FARP2: variants seen among roughly 807,000 people sequenced by gnomAD.
FARP2 encodes the protein FERM, ARHGEF and pleckstrin domain-containing protein 2.
FARP2 carries 111 observed loss-of-function variants against 130.5 expected under a neutral mutation model. The observed-to-expected ratio is 0.85, with a 90% CI of 0.73 to 1.00. The LOEUF (loss-of-function observed/expected upper bound fraction) is 1.00. Ranked by LOEUF, FARP2 falls within the 50% of genes least tolerant of loss-of-function variation. The pLI, the probability that FARP2 is intolerant of heterozygous loss-of-function variation, is 0.00. For missense variants in FARP2, 1,385 were observed against 1,346.3 expected, an observed-to-expected ratio of 1.03 and a Z score of -0.45; for synonymous variants, 504 against 516.9, an observed-to-expected ratio of 0.98 and a Z score of 0.34.
chr2:241,485,637 T>TCTC (rs2064734902), intron 21 of FARP2, among the ~76,000 whole-genome samples: 1 of 133,678 alleles, frequency 7.5e-6, no homozygotes, highest in Non-Finnish European at 1.6e-5. Context: ...CTCCCTGGAG[T>TCTC]CCTCCCTCCC....
intron 13 of FARP2, 53 bp downstream of exon 13, chr2:241,441,609 G>T: frequency 6.2e-7 from 1 of 1,613,050 alleles, no homozygotes; most frequent in East Asian, 2.2e-5. Context: ...GTGCTGGGGG[G>T]CAGAGTTTCA....
At position 241,491,162 on chromosome 2, in the gene FARP2, T is replaced by G; in HGVS notation, c.2606T>G (p.Val869Gly). 6.2e-7 allele frequency: 1 copy of G among 1,612,394 alleles called. No homozygotes were observed. The highest frequency in any genetic ancestry group is 1.7e-4 in the Middle Eastern group (1 of 6,058). The change falls in exon 23 of 27, where the codon GTG becomes GGG. Residue 869 changes from valine (V) to glycine (G), a missense_variant. Transcript: ENST00000264042. ...DTAPALPGRTVCTRPPRSPNE... is the reference protein window; with the variant it reads ...DTAPALPGRTGCTRPPRSPNE... ...GCCCCTGCACTGCCAGGCCGCACTG[T>G]GTGCACTCGTCCCCCCAGTGAGTGC... is the stretch of plus-strand genomic sequence containing the variant.
At chr2:241,454,459 TCTC>T (rs2063779540) in intron 13 of FARP2, among the ~76,000 whole-genome samples, 1 of 152,202 alleles carries the variant, frequency 6.6e-6, no homozygotes, top group Admixed American at 6.5e-5. Context: ...TTTTCCGAAT[TCTC>T]ATCACATAAA....
chr2:241,404,749 A>T (rs2062286418), intron 3 of FARP2, 50 bp from the exon 4 acceptor site: 2 of 1,410,262 alleles, frequency 1.4e-6, no homozygotes, highest in Admixed American at 3.5e-5. Flanking sequence ...TACTTGTTAA[A>T]TAGAGACATT....
chr2:241,425,832 A>T (rs896996646), intron 8 of FARP2, among the ~76,000 whole-genome samples: 25 of 149,658 alleles, frequency 1.7e-4, no homozygotes, highest in Non-Finnish European at 5.9e-5. Context: ...CTCAAACATT[A>T]AAAGGAAATT....
At chr2:241,418,916 GC>G (rs1289543165) in intron 8 of FARP2, among the ~76,000 whole-genome samples, 1 of 152,108 alleles carries the variant, frequency 6.6e-6, no homozygotes, top group African/African-American at 2.4e-5. Flanking sequence ...CCAGTCACTG[GC>G]CCTTGTAAAA....
rs191204815 is a variant in FARP2, at chr2:241,494,147, G to A, written c.*22G>A. On this transcript the variant is annotated 3_prime_UTR_variant, in exon 27 of 27. Coordinates refer to ENST00000264042, the MANE Select transcript of FARP2 (RefSeq NM_014808.4). This position sits in a 1 kb window ranked among gnomAD's most constrained non-coding sequence, Gnocchi z 4.9. ...ATGACGCTCAACCTGCCCAGGTTTG[G>A]ACACAACTACAAAGAACAGCAGGAC... 2.5e-3 allele frequency: 3,427 copies of A among 1,396,536 alleles called. 16 individuals carry two copies. The highest frequency in any genetic ancestry group is 2.4e-3 in the Non-Finnish European group (2,481 of 1,048,108). The allele number at this position is 1,396,536 out of a possible 1,614,324, so 86.5% of individuals were successfully genotyped here.
chr2:241,412,013 CT>C (rs2062531652), intron 6 of FARP2, among the ~76,000 whole-genome samples: 1 of 152,168 alleles, frequency 6.6e-6, no homozygotes, highest in Non-Finnish European at 1.5e-5. Context: ...TGAACCAGAT[CT>C]TTTTGCTATA....
At chr2:241,407,396 AT>A in intron 4 of FARP2, 140 bp from the exon 5 acceptor site, 1 of 651,810 alleles carries the variant, frequency 1.5e-6, no homozygotes. Context: ...CTGGGCAGAA[AT>A]TTCTTAATAT....
chr2:241,432,439 CTT>C (rs763191301), intron 9 of FARP2, among the ~76,000 whole-genome samples: 5 of 152,160 alleles, frequency 3.3e-5, no homozygotes, highest in African/African-American at 4.8e-5. Flanking sequence ...ATTGCAGCCT[CTT>C]TGTTCTCTAG....
chr2:241,407,503 C>T, intron 4 of FARP2, 34 bp from the exon 5 acceptor site: 1 of 1,469,944 alleles, frequency 6.8e-7, no homozygotes, highest in Non-Finnish European at 9.5e-7. Flanking sequence ...CAAAGATCGG[C>T]CTTATTTGTG....
At chr2:241,386,159 C>T (rs1488518983) in intron 2 of FARP2, among the ~76,000 whole-genome samples, 2 of 152,118 alleles carry the variant, frequency 1.3e-5, no homozygotes, top group Non-Finnish European at 2.9e-5. Flanking sequence ...GTAGCATGAT[C>T]ATAGCTCACT....
intron 19 of FARP2, chr2:241,479,012 C>A: frequency 3.9e-6 from 2 of 513,978 alleles, no homozygotes; most frequent in Non-Finnish European, 7.2e-6. Flanking sequence ...GTATTGACAG[C>A]TGAAAAAATG....
At chr2:241,490,577 G>C (rs1469480319) in intron 22 of FARP2, among the ~76,000 whole-genome samples, 4 of 152,216 alleles carry the variant, frequency 2.6e-5, no homozygotes, top group Admixed American at 6.5e-5. Flanking sequence ...ATGACACTGA[G>C]CTCATTTGGC....
chr2:241,390,769 G>T (rs572029223), intron 2 of FARP2, among the ~76,000 whole-genome samples: 3 of 151,796 alleles, frequency 2.0e-5, no homozygotes, highest in South Asian at 4.2e-4. Flanking sequence ...GTTTTCTTTG[G>T]TATACCAGGT....
intron 8 of FARP2, among the ~76,000 whole-genome samples, chr2:241,428,013 G>A (rs534404578): frequency 9.9e-5 from 15 of 152,006 alleles, no homozygotes; most frequent in Non-Finnish European, 1.3e-4. Flanking sequence ...TGATCCGCCC[G>A]CCTTGGCCTC....
intron 8 of FARP2, 97 bp from the exon 9 acceptor site, chr2:241,431,582 C>T: frequency 1.5e-6 from 1 of 689,532 alleles, no homozygotes. Flanking sequence ...AAGTAGAGTG[C>T]TGTGTTGGCA....
intron 19 of FARP2, among the ~76,000 whole-genome samples, chr2:241,481,915 T>C (rs1457312591): frequency 6.6e-6 from 1 of 152,234 alleles, no homozygotes; most frequent in Non-Finnish European, 1.5e-5. Flanking sequence ...CTATGTCAGC[T>C]GCTCAGCCCT....
chr2:241,451,870 T>C (rs1212863794), intron 13 of FARP2, among the ~76,000 whole-genome samples: 1 of 152,086 alleles, frequency 6.6e-6, no homozygotes, highest in Non-Finnish European at 1.5e-5. Flanking sequence ...TTCTCCTACC[T>C]CAGCCTCCCG....
Sources: gnomAD v4.1 joint callset for allele counts (sites outside exome capture counted in the v4.1 genomes callset) on GRCh38, gnomAD v4.1.1 for gene constraint, Gnocchi (gnomAD v3.1) non-coding constraint, MANE v1.5 for transcripts, NCBI Gene and HGNC (gene_info 2026-07-23, HGNC 2026-07-21) for gene names.